BANK1: variants seen among roughly 807,000 people sequenced by gnomAD.
BANK1 encodes the protein B-cell scaffold protein with ankyrin repeats.
BANK1 carries 95 observed loss-of-function variants against 94.5 expected under a neutral mutation model. That is an observed-to-expected ratio of 1.00 (90% CI 0.85 to 1.19). The LOEUF is 1.19. BANK1 is among the 50% of genes most tolerant of loss of function. BANK1 has a pLI of 0.00. For synonymous variants in BANK1, 334 were observed against 308.4 expected (o/e 1.08, Z -0.87); for missense variants, 987 against 932.2 (o/e 1.06, Z -0.77).
intron 3 of BANK1, among the ~76,000 whole-genome samples, chr4:101,856,373 G>A (rs1481522036): frequency 3.9e-5 from 5 of 127,304 alleles, no homozygotes; most frequent in East Asian, 4.2e-4. Flanking sequence ...AAAATTACAA[G>A]GGCTCAGAAC....
At chr4:101,798,071 T>C (rs1725219770) in intron 1 of BANK1, among the ~76,000 whole-genome samples, 1 of 152,110 alleles carries the variant, frequency 6.6e-6, no homozygotes, top group South Asian at 2.1e-4. Context: ...AAGGTAAGAA[T>C]GGTGAACTGG....
chr4:102,011,914 C>T (rs535083798), intron 7 of BANK1, among the ~76,000 whole-genome samples: 1 of 152,062 alleles, frequency 6.6e-6, no homozygotes, highest in Non-Finnish European at 1.5e-5. Context: ...ATAAACTCAT[C>T]GAAGTTCAGT....
chr4:101,964,693 G>A (rs2148920439), intron 7 of BANK1, among the ~76,000 whole-genome samples: 1 of 152,036 alleles, frequency 6.6e-6, no homozygotes, highest in South Asian at 2.1e-4. Context: ...CCTCCTTAGG[G>A]ATGGAGAAGC....
intron 1 of BANK1, among the ~76,000 whole-genome samples, chr4:101,791,711 G>A (rs1242981707): frequency 1.3e-5 from 2 of 152,186 alleles, no homozygotes; most frequent in African/African-American, 4.8e-5. Flanking sequence ...TATTCTGAGT[G>A]AAAGTTTCTT....
At chr4:101,856,467 T>A (rs1360902174) in intron 3 of BANK1, among the ~76,000 whole-genome samples, 1 of 151,948 alleles carries the variant, frequency 6.6e-6, no homozygotes, top group Non-Finnish European at 1.5e-5. Context: ...AAAATAAGTG[T>A]AATAAAAGAA....
intron 5 of BANK1, among the ~76,000 whole-genome samples, chr4:101,878,987 A>G (rs1226191675): frequency 8.4e-6 from 1 of 119,370 alleles, no homozygotes; most frequent in Admixed American, 7.3e-5. Flanking sequence ...ATAAGTGCCT[A>G]TGTCAAAAAA....
At chr4:101,951,995 T>C (rs1724176038) in intron 7 of BANK1, among the ~76,000 whole-genome samples, 1 of 152,078 alleles carries the variant, frequency 6.6e-6, no homozygotes, top group Admixed American at 6.6e-5. Flanking sequence ...GATAATAAAA[T>C]GTGTGCCTGA....
chr4:101,950,608 A>C (rs1296713307), intron 7 of BANK1, among the ~76,000 whole-genome samples: 1 of 152,188 alleles, frequency 6.6e-6, no homozygotes, highest in Non-Finnish European at 1.5e-5. Flanking sequence ...ATTGGGAAAA[A>C]TTCATAACAA....
chr4:101,807,037 A>T (rs1725577009), intron 1 of BANK1, among the ~76,000 whole-genome samples: 1 of 152,214 alleles, frequency 6.6e-6, no homozygotes, highest in Non-Finnish European at 1.5e-5. Context: ...AACAGCTAAG[A>T]GTGTTTTCTT....
intron 5 of BANK1, among the ~76,000 whole-genome samples, chr4:101,873,555 T>C (rs1411219140): frequency 6.6e-6 from 1 of 152,196 alleles, no homozygotes; most frequent in African/African-American, 2.4e-5. Flanking sequence ...TCTGTGAATT[T>C]GAGAAAAGAA....
intron 5 of BANK1, among the ~76,000 whole-genome samples, chr4:101,891,638 A>T (rs1312243397): frequency 2.0e-5 from 3 of 152,064 alleles, no homozygotes; most frequent in Non-Finnish European, 4.4e-5. Flanking sequence ...ATCTTTTGTT[A>T]TAGTCTTAAA....
At chr4:102,034,708 A>G (rs1727441023) in intron 10 of BANK1, among the ~76,000 whole-genome samples, 1 of 152,186 alleles carries the variant, frequency 6.6e-6, no homozygotes, top group African/African-American at 2.4e-5. Flanking sequence ...TAATTCATGC[A>G]ATAACCCCAC....
intron 12 of BANK1, chr4:102,061,550 A>AC (rs1467063088): frequency 6.6e-6 from 1 of 152,244 alleles, no homozygotes; most frequent in Admixed American, 6.5e-5. Flanking sequence ...TTAGGTGCAG[A>AC]CCTACAAATC....
rs758332446 is a variant in BANK1, at chr4:102,060,312, A to G, written c.2071A>G (p.Lys691Glu). ...CCTGCAGGAGAAAGTAAAGAATGGG[A>G]AAATGTCTATGGATGAAGCTCTGGA... ...ILLQEKVKNGKMSMDEALEKF... is the reference protein window; with the variant it reads ...ILLQEKVKNGEMSMDEALEKF... Residue 691 changes from lysine (K) to glutamate (E), a missense_variant, in exon 12 of 17, where the codon AAA becomes GAA. Lys to Glu is a moderately conservative substitution (Grantham distance 56). Transcript: ENST00000322953. 6.2e-7 allele frequency: 1 copy of G among 1,609,958 alleles called. No individual in the cohort carries two copies. Among genetic ancestry groups the G allele is most frequent in the Non-Finnish European group, 8.5e-7 (1 of 1,178,670 alleles).
At chr4:101,986,739 A>C (rs1229257657) in intron 7 of BANK1, among the ~76,000 whole-genome samples, 1 of 149,160 alleles carries the variant, frequency 6.7e-6, no homozygotes, top group Non-Finnish European at 1.5e-5. Flanking sequence ...TCTTTCTTCT[A>C]ATGTGATTGA....
chr4:101,869,495 G>C (rs192077147), intron 4 of BANK1, among the ~76,000 whole-genome samples: 1 of 152,038 alleles, frequency 6.6e-6, no homozygotes, highest in East Asian at 1.9e-4. Flanking sequence ...ATATGAGGAA[G>C]AAATTTCAGC....
At chr4:101,851,306 G>A (rs1727466470) in intron 2 of BANK1, among the ~76,000 whole-genome samples, 2 of 152,094 alleles carry the variant, frequency 1.3e-5, no homozygotes, top group South Asian at 4.1e-4. Flanking sequence ...TCAGAGCAAG[G>A]CATGTGGTAG....
chr4:101,941,535 T>G (rs1305326084), intron 7 of BANK1, among the ~76,000 whole-genome samples: 1 of 151,790 alleles, frequency 6.6e-6, no homozygotes, highest in Non-Finnish European at 1.5e-5. Context: ...ATGAGTTATG[T>G]TGACAGTTGT....
intron 4 of BANK1, among the ~76,000 whole-genome samples, chr4:101,867,165 T>G (rs1020698987): frequency 5.0e-5 from 1 of 20,106 alleles, no homozygotes; most frequent in Non-Finnish European, 8.6e-5. Flanking sequence ...TAGAGTATAA[T>G]AAAAAAAATT....
Sources: allele counts gnomAD v4.1 joint callset (sites outside exome capture counted in the v4.1 genomes callset), GRCh38; gene constraint gnomAD v4.1.1; transcripts MANE v1.5; gene names NCBI Gene and HGNC (gene_info 2026-07-23, HGNC 2026-07-21).